The following ANKFN1 variants were observed in gnomAD, a reference collection of about 807,000 sequenced individuals.
ANKFN1 encodes ankyrin repeat and fibronectin type III domain containing 1, also known as ankyrin repeat and fibronectin type-III domain-containing protein 1.
A neutral mutation model predicts 108.7 loss-of-function variants in ANKFN1; 74 were observed. The ratio of observed to expected loss-of-function variants is 0.68; its 90% CI spans 0.56 to 0.83. The LOEUF is 0.83. Ranked by LOEUF, ANKFN1 falls within the 40% of genes least tolerant of loss-of-function variation. The pLI is 0.00. For synonymous variants in ANKFN1, 547 were observed against 516.2 expected, an observed-to-expected ratio of 1.06 and a Z score of -0.81; for missense variants, 1,505 against 1,382.3, an observed-to-expected ratio of 1.09 and a Z score of -1.41.
At chr17:56,164,862 A>G (rs1910004737) in intron 1 of ANKFN1, among the ~76,000 whole-genome samples, 1 of 152,252 alleles carries the variant, frequency 6.6e-6, no homozygotes, top group Non-Finnish European at 1.5e-5. Flanking sequence ...TCCAGTTCAG[A>G]CTGCCAAAAT....
In ANKFN1 at chr17:56,111,785, C is replaced by G. The variant is rs138290070; in HGVS notation, c.288+65460C>G. On this transcript the variant is annotated intron_variant, in intron 4 of 12. Coordinates refer to the ANKFN1 transcript ENST00000635860. ...TAGCTAACATAATTATAAAGTACAT[C>G]TTTAAAAAAAGAGGATGGCAAAATA... is the stretch of plus-strand genomic sequence containing the variant. Among the ~76,000 whole-genome samples the G allele has an allele frequency of 1.4e-3, 217 of 152,312 alleles. 1 individual carries two copies. Among genetic ancestry groups the G allele is most frequent in the Admixed American group, 5.1e-3 (78 of 15,292 alleles).
At chr17:56,409,217 G>T (rs1012881236) in intron 8 of ANKFN1, among the ~76,000 whole-genome samples, 3 of 152,096 alleles carry the variant, frequency 2.0e-5, no homozygotes, top group Non-Finnish European at 4.4e-5. Flanking sequence ...GAGCCACCAG[G>T]CCTGGCCAAG....
intron 6 of ANKFN1, among the ~76,000 whole-genome samples, chr17:56,366,207 G>T (rs2046657322): frequency 6.6e-6 from 1 of 152,092 alleles, no homozygotes; most frequent in South Asian, 2.1e-4. Context: ...AGGATATAAA[G>T]AAAATATTTT....
At chr17:56,405,398 T>G in intron 8 of ANKFN1, among the ~76,000 whole-genome samples, 1 of 152,170 alleles carries the variant, frequency 6.6e-6, no homozygotes, top group Middle Eastern at 3.2e-3. Flanking sequence ...CTCTATAGAT[T>G]AAGTTCTAGG....
chr17:56,465,720 C>T (rs1005892381), intron 14 of ANKFN1, among the ~76,000 whole-genome samples: 1 of 152,196 alleles, frequency 6.6e-6, no homozygotes, highest in Non-Finnish European at 1.5e-5. Context: ...TCCCTTCCTA[C>T]CTTCCTAAAA....
At chr17:56,407,255 T>C (rs920410071) in intron 8 of ANKFN1, among the ~76,000 whole-genome samples, 50 of 152,228 alleles carry the variant, frequency 3.3e-4, no homozygotes, top group African/African-American at 1.2e-3. Flanking sequence ...GATTGATTTA[T>C]GAGAGAAATG....
intron 1 of ANKFN1, among the ~76,000 whole-genome samples, chr17:56,203,551 T>C (rs941875154): frequency 3.9e-5 from 6 of 152,256 alleles, no homozygotes; most frequent in African/African-American, 1.4e-4. Context: ...ACTGAGGGAA[T>C]GCCCACCATC....
intron 1 of ANKFN1, chr17:56,156,673 G>C (rs1217114256): frequency 6.6e-6 from 1 of 152,286 alleles, no homozygotes; most frequent in East Asian, 1.9e-4. Flanking sequence ...AAGTCTTGCA[G>C]CTGGTTAAGG....
intron 20 of ANKFN1, among the ~76,000 whole-genome samples, chr17:56,505,709 T>C (rs182948806): frequency 3.9e-5 from 6 of 152,332 alleles, no homozygotes; most frequent in Admixed American, 2.6e-4. Context: ...GCAAAAGAAC[T>C]GAGCAACTAA....
chr17:56,169,589 A>G (rs1387807020), intron 1 of ANKFN1, among the ~76,000 whole-genome samples: 1 of 152,182 alleles, frequency 6.6e-6, no homozygotes, highest in Non-Finnish European at 1.5e-5. Context: ...TTTATGAAGT[A>G]GTACATCCAC....
chr17:56,197,796 A>G (rs1913658210), intron 1 of ANKFN1, among the ~76,000 whole-genome samples: 2 of 152,198 alleles, frequency 1.3e-5, no homozygotes, highest in African/African-American at 2.4e-5. Flanking sequence ...GCAGTCCCCA[A>G]CCTTTCTTGC....
chr17:56,496,248 A>C (rs2051197665), intron 19 of ANKFN1, among the ~76,000 whole-genome samples: 1 of 152,146 alleles, frequency 6.6e-6, no homozygotes, highest in Non-Finnish European at 1.5e-5. Context: ...TATTGTTTCT[A>C]CATACTTTTA....
chr17:56,278,838 T>A (rs2044000830), intron 3 of ANKFN1, among the ~76,000 whole-genome samples: 1 of 152,270 alleles, frequency 6.6e-6, no homozygotes, highest in Non-Finnish European at 1.5e-5. Context: ...TCTTCTGTTG[T>A]CTTGAAATGC....
At chr17:56,155,296 G>A (rs1205021431) in intron 1 of ANKFN1, among the ~76,000 whole-genome samples, 2 of 152,170 alleles carry the variant, frequency 1.3e-5, no homozygotes, top group South Asian at 2.1e-4. Context: ...ATGACACAAA[G>A]CAGTACTGTC....
At chr17:56,476,150 C>A (rs2044159) in intron 15 of ANKFN1, among the ~76,000 whole-genome samples, 4 of 152,014 alleles carry the variant, frequency 2.6e-5, no homozygotes, top group Non-Finnish European at 5.9e-5. Context: ...TACCTCCCAC[C>A]AGGCCCCTCC....
At chr17:56,327,345 A>G (rs1190622403) in intron 4 of ANKFN1, among the ~76,000 whole-genome samples, 1 of 152,106 alleles carries the variant, frequency 6.6e-6, no homozygotes, top group South Asian at 2.1e-4. Flanking sequence ...GTGAACTCAG[A>G]GTCCATATAA....
intron 3 of ANKFN1, among the ~76,000 whole-genome samples, chr17:56,319,275 A>T (rs2045295759): frequency 6.6e-6 from 1 of 152,236 alleles, no homozygotes. Flanking sequence ...GGGTTTTGAA[A>T]AAGCTGAAAC....
At position 56,413,298 on chromosome 17, in the gene ANKFN1, G is replaced by A. The variant is rs547722605; in HGVS notation, c.911-27029G>A. 7.9e-5 allele frequency among the ~76,000 whole-genome samples: 12 copies of A among 152,288 alleles called. 1 individual carries two copies. Among genetic ancestry groups the A allele is most frequent in the African/African-American group, 2.4e-4 (10 of 41,548 alleles). On this transcript the variant is annotated intron_variant, in intron 8 of 20. Transcript: ENST00000682825. Reference sequence around the variant, plus strand: ...TGTATCCTGAGACTTTGCTGAAGTCGTTTATCAGCTGAAGCAACTTTGGGG... The same window carrying A: ...TGTATCCTGAGACTTTGCTGAAGTCATTTATCAGCTGAAGCAACTTTGGGG...
chr17:56,372,607 CAGAA>C (rs765057499), intron 6 of ANKFN1, 35 bp from the exon 7 acceptor site: 347 of 1,564,732 alleles, frequency 2.2e-4, no homozygotes, highest in Middle Eastern at 4.5e-4. Context: ...AGCATTTCCC[CAGAA>C]AGAAAGAGAA....
Sources: allele counts gnomAD v4.1 joint callset (sites outside exome capture counted in the v4.1 genomes callset), GRCh38; gene constraint gnomAD v4.1.1; transcripts MANE v1.5; gene names NCBI Gene and HGNC (gene_info 2026-07-23, HGNC 2026-07-21).